LHFPL3: variants seen among roughly 807,000 people sequenced by gnomAD.
The protein encoded by LHFPL3 is LHFPL tetraspan subfamily member 3 protein.
In LHFPL3, 5 loss-of-function variants were observed where a neutral mutation model predicts 19.3. The ratio of observed to expected loss-of-function variants is 0.26; its 90% CI spans 0.14 to 0.54. The LOEUF (loss-of-function observed/expected upper bound fraction) is 0.54, where lower values mean the gene tolerates loss of function less well. Ranked by LOEUF, LHFPL3 falls within the 20% of genes least tolerant of loss-of-function variation. LHFPL3 has a pLI of 0.94. For synonymous variants in LHFPL3, 133 were observed against 126.2 expected (o/e 1.05, Z -0.36); for missense variants, 249 against 307.4 (o/e 0.81, Z 1.42).
chr7:104,474,323 G>T (rs897370394), intron 1 of LHFPL3, among the ~76,000 whole-genome samples: 2 of 152,140 alleles, frequency 1.3e-5, no homozygotes, highest in Non-Finnish European at 2.9e-5. Flanking sequence ...ATTTGGGTGT[G>T]TATTATGAAA....
intron 1 of LHFPL3, among the ~76,000 whole-genome samples, chr7:104,627,326 A>T (rs1014368238): frequency 2.0e-5 from 3 of 152,174 alleles, no homozygotes; most frequent in African/African-American, 7.2e-5. Context: ...AAGGCTGAAC[A>T]GCATTTCATT....
intron 1 of LHFPL3, among the ~76,000 whole-genome samples, chr7:104,645,654 CTTTTTTTTTTTTTT>C (rs869151153): frequency 4.9e-5 from 4 of 81,628 alleles, no homozygotes; most frequent in South Asian, 1.0e-3. Flanking sequence ...ATTGGGTTTT[CTTTTTTTTTTTTTT>C]TTTTTTTTTT....
intron 2 of LHFPL3, among the ~76,000 whole-genome samples, chr7:104,769,181 C>T (rs148265294): frequency 1.3e-5 from 2 of 152,328 alleles, no homozygotes; most frequent in African/African-American, 4.8e-5. Flanking sequence ...TGTTCAATTG[C>T]ACTCTTCAAG....
At chr7:104,425,940 A>C (rs915275459) in intron 1 of LHFPL3, among the ~76,000 whole-genome samples, 1 of 152,226 alleles carries the variant, frequency 6.6e-6, no homozygotes, top group Admixed American at 6.5e-5. Context: ...CTTCAAATAA[A>C]CTATACATAG....
intron 1 of LHFPL3, among the ~76,000 whole-genome samples, chr7:104,675,155 T>G (rs1792567691): frequency 6.6e-6 from 1 of 152,218 alleles, no homozygotes; most frequent in Admixed American, 6.5e-5. Flanking sequence ...GGCAGTATAC[T>G]TCTAAGAAGG....
In LHFPL3 at chr7:104,331,942, C is replaced by T. The variant is rs998199779; in HGVS notation, c.445+2718C>T. Among the ~76,000 whole-genome samples, 37 of 151,072 alleles carry T rather than the reference C, an allele frequency of 2.4e-4. No homozygotes were observed. The East Asian group carries it at 6.4e-3, about 26-fold the overall frequency. ...TCTAGTCTGGGAAACAGAGCGAGAC[C>T]CCATCTCAAAAAAAAAAAAGAAAAA... On this transcript the variant is annotated intron_variant, in intron 1 of 2. Coordinates refer to ENST00000424859, the MANE Select transcript of LHFPL3 (RefSeq NM_199000.3).
chr7:104,394,723 T>C (rs1791147502), intron 1 of LHFPL3, among the ~76,000 whole-genome samples: 1 of 151,744 alleles, frequency 6.6e-6, no homozygotes, highest in South Asian at 2.1e-4. Flanking sequence ...TTTTTTGGAA[T>C]GGAGTCTTGC....
intron 1 of LHFPL3, among the ~76,000 whole-genome samples, chr7:104,580,200 C>G (rs959491850): frequency 6.6e-6 from 1 of 152,146 alleles, no homozygotes; most frequent in Non-Finnish European, 1.5e-5. Context: ...CATTCAGGTT[C>G]CCTCTGGAGT....
chr7:104,650,135 A>T (rs1369229663), intron 1 of LHFPL3, among the ~76,000 whole-genome samples: 1 of 152,236 alleles, frequency 6.6e-6, no homozygotes, highest in Non-Finnish European at 1.5e-5. Context: ...ACAAGTCTGC[A>T]GTTGCTTGAA....
intron 2 of LHFPL3, among the ~76,000 whole-genome samples, chr7:104,789,895 G>A (rs890915195): frequency 6.6e-6 from 1 of 152,112 alleles, no homozygotes; most frequent in Non-Finnish European, 1.5e-5. Context: ...GACTGATTAT[G>A]AGCCCTAATT....
At chr7:104,536,819 C>A (rs992497803) in intron 1 of LHFPL3, among the ~76,000 whole-genome samples, 3 of 152,178 alleles carry the variant, frequency 2.0e-5, no homozygotes, top group African/African-American at 7.2e-5. Flanking sequence ...TCCACTAATT[C>A]AAGCCAATAC....
At chr7:104,789,130 T>C (rs1275985218) in intron 2 of LHFPL3, among the ~76,000 whole-genome samples, 1 of 152,192 alleles carries the variant, frequency 6.6e-6, no homozygotes, top group African/African-American at 2.4e-5. Flanking sequence ...GAACTGAGGA[T>C]TGAGAGAAGT....
At chr7:104,485,577 T>C (rs1438036156) in intron 1 of LHFPL3, among the ~76,000 whole-genome samples, 2 of 152,206 alleles carry the variant, frequency 1.3e-5, no homozygotes, top group Non-Finnish European at 2.9e-5. Context: ...TTCTTTTGTA[T>C]TTTCCCTTGA....
Position 104,561,293 on chromosome 7 carries a change from C to T in LHFPL3, c.446-175382C>T, listed in dbSNP as rs566093816. Among the ~76,000 whole-genome samples the T allele has an allele frequency of 7.6e-4, 113 of 148,752 alleles. 1 individual carries two copies. Among genetic ancestry groups the T allele is most frequent in the African/African-American group, 2.8e-3 (107 of 38,480 alleles). ...TGTTGACAGTGGGGTGTTAAAGTCT[C>T]TCATTATTAATGTGTGGGAGTCTAA... On this transcript the variant is annotated intron_variant, in intron 1 of 2. Transcript: ENST00000424859.
intron 1 of LHFPL3, among the ~76,000 whole-genome samples, chr7:104,355,733 C>T (rs1790260579): frequency 6.6e-6 from 1 of 152,158 alleles, no homozygotes; most frequent in Admixed American, 6.5e-5. Context: ...GACTCATTCT[C>T]AAAAGTAAGT....
intron 1 of LHFPL3, among the ~76,000 whole-genome samples, chr7:104,666,321 C>G (rs115100708): frequency 0.016 from 2,366 of 151,864 alleles, 66 homozygotes; most frequent in African/African-American, 0.054. Flanking sequence ...TCCCTCCCTC[C>G]GCCCTCACAC....
At chr7:104,668,187 C>G in intron 1 of LHFPL3, 1 of 1,613,770 alleles carries the variant, frequency 6.2e-7, no homozygotes, top group Non-Finnish European at 8.5e-7. Context: ...ATTTGAGGAC[C>G]TGGATTCCCT....
At chr7:104,451,505 T>C (rs1017450364) in intron 1 of LHFPL3, among the ~76,000 whole-genome samples, 5 of 152,196 alleles carry the variant, frequency 3.3e-5, no homozygotes, top group African/African-American at 1.2e-4. Context: ...GTTCTAGAAG[T>C]AATATACATA....
intron 1 of LHFPL3, among the ~76,000 whole-genome samples, chr7:104,676,870 T>C (rs1792602574): frequency 3.3e-5 from 5 of 152,176 alleles, no homozygotes; most frequent in South Asian, 4.1e-4. Flanking sequence ...TCTGCTTTGA[T>C]TGGAAATTCT....
Sources: allele counts gnomAD v4.1 joint callset (sites outside exome capture counted in the v4.1 genomes callset), GRCh38; gene constraint gnomAD v4.1.1; transcripts MANE v1.5; gene names NCBI Gene and HGNC (gene_info 2026-07-23, HGNC 2026-07-21).